KIAA1549L: variants seen among roughly 807,000 people sequenced by gnomAD.
KIAA1549L encodes KIAA1549 like.
KIAA1549L carries 88 observed loss-of-function variants against 160.7 expected under a neutral mutation model. The observed-to-expected ratio is 0.55, with a 90% CI of 0.46 to 0.65. The LOEUF is 0.65. Ranked by LOEUF, KIAA1549L falls within the 30% of genes least tolerant of loss-of-function variation. The probability of loss-of-function intolerance (pLI) is 0.00; values close to 1 mark genes in which losing one functional copy is unlikely to be tolerated. For synonymous variants in KIAA1549L, 950 were observed against 976.7 expected, an observed-to-expected ratio of 0.97 and a Z score of 0.51; for missense variants, 2,258 against 2,437.5, an observed-to-expected ratio of 0.93 and a Z score of 1.55.
At chr11:33,533,855 T>C (rs971318227) in intron 1 of KIAA1549L, among the ~76,000 whole-genome samples, 1 of 152,246 alleles carries the variant, frequency 6.6e-6, no homozygotes, top group African/African-American at 2.4e-5. Flanking sequence ...GTTTCCTATC[T>C]TTCCTCATCC....
At chr11:33,650,357 T>C (rs1183651646) in intron 17 of KIAA1549L, among the ~76,000 whole-genome samples, 3 of 152,210 alleles carry the variant, frequency 2.0e-5, no homozygotes, top group Non-Finnish European at 4.4e-5. Flanking sequence ...AGAGGAAGGC[T>C]GGAGAATCCT....
intron 1 of KIAA1549L, among the ~76,000 whole-genome samples, chr11:33,388,629 A>AACTAAATTGT (rs1850218441): frequency 1.3e-5 from 2 of 152,142 alleles, no homozygotes; most frequent in Non-Finnish European, 2.9e-5. Context: ...CTATATCATG[A>AACTAAATTGT]CCCTCTTTCC....
chr11:33,420,226 TTTTTTTTTG>T (rs1341954191), intron 1 of KIAA1549L, among the ~76,000 whole-genome samples: 158 of 69,570 alleles, frequency 2.3e-3, no homozygotes, highest in Non-Finnish European at 3.3e-3. Flanking sequence ...ATCTCAAAGT[TTTTTTTTTG>T]TTTTTTTTTT....
chr11:33,377,201 G>C (rs911249926), intron 1 of KIAA1549L, among the ~76,000 whole-genome samples: 4 of 152,188 alleles, frequency 2.6e-5, no homozygotes, highest in Non-Finnish European at 5.9e-5. Context: ...ATTAGAACAC[G>C]TTTCAGGGTG....
At chr11:33,659,319 T>A (rs181103192) in intron 19 of KIAA1549L, among the ~76,000 whole-genome samples, 14 of 152,384 alleles carry the variant, frequency 9.2e-5, no homozygotes, top group Admixed American at 9.1e-4. Context: ...TTAATGTATT[T>A]GAAATTTACA....
chr11:33,382,409 G>A (rs1850089767), intron 1 of KIAA1549L, among the ~76,000 whole-genome samples: 2 of 151,912 alleles, frequency 1.3e-5, no homozygotes, highest in Admixed American at 6.6e-5. Flanking sequence ...AGAGTGATGG[G>A]GATAAAACTC....
chr11:33,435,030 A>G (rs1004001236), intron 1 of KIAA1549L, among the ~76,000 whole-genome samples: 18 of 152,250 alleles, frequency 1.2e-4, no homozygotes, highest in African/African-American at 2.9e-4. Context: ...TTGGCTCACA[A>G]TGTAAAATGT....
chr11:33,402,858 G>A (rs1460399827), intron 1 of KIAA1549L, among the ~76,000 whole-genome samples: 1 of 152,116 alleles, frequency 6.6e-6, no homozygotes, highest in African/African-American at 2.4e-5. Context: ...TTGGCTTGTG[G>A]CATGAAGTTG....
chr11:33,448,791 C>T (rs922721584), intron 1 of KIAA1549L, among the ~76,000 whole-genome samples: 3 of 152,166 alleles, frequency 2.0e-5, no homozygotes, highest in Non-Finnish European at 4.4e-5. Context: ...TTGTGAAATA[C>T]CTCCTCAGTA....
chr11:33,447,459 C>T (rs11032276), intron 1 of KIAA1549L, among the ~76,000 whole-genome samples: 30,101 of 144,280 alleles, frequency 0.21, 3,714 homozygotes, highest in Middle Eastern at 0.32. Flanking sequence ...GATGTCTCCA[C>T]ATCCATCCAT....
At chr11:33,452,089 T>A (rs533395000) in intron 1 of KIAA1549L, among the ~76,000 whole-genome samples, 2 of 152,316 alleles carry the variant, frequency 1.3e-5, no homozygotes, top group African/African-American at 4.8e-5. Context: ...GAGGAGAAGA[T>A]GCCTTTTAGT....
At chr11:33,381,184 A>G (rs186302818) in intron 1 of KIAA1549L, among the ~76,000 whole-genome samples, 122 of 152,216 alleles carry the variant, frequency 8.0e-4, no homozygotes, top group African/African-American at 2.8e-3. Context: ...GCACTTGAGT[A>G]ATACTGACGA....
At chr11:33,536,592 C>T (rs1853898893) in intron 1 of KIAA1549L, among the ~76,000 whole-genome samples, 1 of 152,078 alleles carries the variant, frequency 6.6e-6, no homozygotes, top group African/African-American at 2.4e-5. Flanking sequence ...TTGGAAGTCA[C>T]GTGGCATTAT....
At chr11:33,619,355 AGGT>A (rs1158643219) in intron 16 of KIAA1549L, among the ~76,000 whole-genome samples, 2 of 152,200 alleles carry the variant, frequency 1.3e-5, no homozygotes, top group African/African-American at 4.8e-5. Flanking sequence ...ATCTACACCT[AGGT>A]TTGTGAACAG....
rs564178775 is a variant in KIAA1549L, at chr11:33,403,945, A to G, written c.238+27056A>G. On this transcript the variant is annotated intron_variant, in intron 1 of 20. Coordinates refer to ENST00000658780, the MANE Select transcript of KIAA1549L (RefSeq NM_012194.3). ...AAGCATTCGGCTTTCCAAGGGGGCC[A>G]TGATGAAAACAGATTTCATAACCAC... Among the ~76,000 whole-genome samples the G allele has an allele frequency of 1.3e-4, 20 of 152,370 alleles. No individual in the cohort carries two copies. The South Asian group carries it at 4.1e-3, about 32-fold the overall frequency.
chr11:33,388,059 CA>C (rs1850206980), intron 1 of KIAA1549L, among the ~76,000 whole-genome samples: 1 of 152,078 alleles, frequency 6.6e-6, no homozygotes, highest in African/African-American at 2.4e-5. Flanking sequence ...AAGCAATACT[CA>C]GGTAGATGCA....
rs1854150801 is a variant in KIAA1549L at position 33,544,252 on chromosome 11, G to A, written c.2689G>A (p.Ala897Thr). The change falls in exon 2 of 21, where the codon GCT becomes ACT. Residue 897 changes from alanine to threonine, a missense_variant. Transcript: ENST00000658780. ...FQNILGYHSA[A>T]ESSISTSVFP... ...GAACATCTTGGGATATCACTCTGCT[G>A]CTGAATCTTCTATATCGACCAGTGT... The A allele has an allele frequency of 6.2e-7, 1 of 1,614,006 alleles. No homozygotes were observed. Among genetic ancestry groups the A allele is most frequent in the East Asian group, 2.2e-5 (1 of 44,884 alleles).
chr11:33,425,548 G>GATAAATATTCATGGGAGAC (rs1851098758), intron 1 of KIAA1549L, among the ~76,000 whole-genome samples: 1 of 152,304 alleles, frequency 6.6e-6, no homozygotes, highest in Non-Finnish European at 1.5e-5. Context: ...ATATACTTGA[G>GATAAATATTCATGGGAGAC]ATAAATATTC....
intron 10 of KIAA1549L, among the ~76,000 whole-genome samples, chr11:33,581,654 C>T (rs1321488187): frequency 6.6e-6 from 1 of 152,152 alleles, no homozygotes; most frequent in Non-Finnish European, 1.5e-5. Flanking sequence ...CCTATCAGTC[C>T]TCTACTGAAA....
Sources: allele counts gnomAD v4.1 joint callset (sites outside exome capture counted in the v4.1 genomes callset), GRCh38; gene constraint gnomAD v4.1.1; transcripts MANE v1.5; gene names NCBI Gene and HGNC (gene_info 2026-07-23, HGNC 2026-07-21).